The following HMCN1 variants were observed in gnomAD, a reference collection of about 807,000 sequenced individuals.
HMCN1 encodes hemicentin-1.
HMCN1 carries 321 observed loss-of-function variants against 625.9 expected under a neutral mutation model. That is an observed-to-expected ratio of 0.51 (90% CI 0.47 to 0.56). The LOEUF is 0.56. HMCN1 is among the 20% of genes least tolerant of loss of function. HMCN1 has a pLI of 0.00. For synonymous variants in HMCN1, 2,425 were observed against 2,417.6 expected (o/e 1.00, Z -0.09); for missense variants, 6,588 against 6,887.3 (o/e 0.96, Z 1.54).
chr1:186,185,859 A>G (rs1389410226), intron 105 of HMCN1, among the ~76,000 whole-genome samples: 2 of 152,190 alleles, frequency 1.3e-5, no homozygotes, highest in East Asian at 1.9e-4. Context: ...TGGAGAACCA[A>G]TTTACTCCAT....
intron 6 of HMCN1, among the ~76,000 whole-genome samples, chr1:185,914,527 T>A (rs1253270647): frequency 6.6e-6 from 1 of 152,076 alleles, no homozygotes; most frequent in African/African-American, 2.4e-5. Flanking sequence ...TTTCTAGTTA[T>A]CTTCTATCAC....
chr1:185,908,566 G>A lies in HMCN1; in HGVS notation c.622-771G>A, dbSNP rs1015166800. ...AAGGGAAATTATCTTTGTTAGTGCAGAAACTTTCTATGGATTCAAAGTTTT... is the reference window on the plus strand; with the variant it reads ...AAGGGAAATTATCTTTGTTAGTGCAAAAACTTTCTATGGATTCAAAGTTTT... On this transcript the variant is annotated intron_variant, in intron 4 of 106. Coordinates refer to ENST00000271588, the MANE Select transcript of HMCN1 (RefSeq NM_031935.3). 2.0e-5 allele frequency among the ~76,000 whole-genome samples: 3 copies of A among 151,928 alleles called. No individual in the cohort carries two copies. The East Asian group carries it at 5.8e-4, about 29-fold the overall frequency.
intron 36 of HMCN1, among the ~76,000 whole-genome samples, chr1:186,025,188 A>T (rs754738384): frequency 2.6e-5 from 4 of 152,122 alleles, no homozygotes; most frequent in Non-Finnish European, 5.9e-5. Context: ...GCTGCTGCTG[A>T]TCTGATAGGA....
At chr1:185,808,049 CT>C (rs1659285092) in intron 1 of HMCN1, among the ~76,000 whole-genome samples, 1 of 151,978 alleles carries the variant, frequency 6.6e-6, no homozygotes, top group African/African-American at 2.4e-5. Context: ...AGTGGGACCC[CT>C]GTCTCTATAA....
chr1:186,156,129 A>AATAAG (rs1651003726), intron 97 of HMCN1, among the ~76,000 whole-genome samples: 1 of 152,134 alleles, frequency 6.6e-6, no homozygotes, highest in Non-Finnish European at 1.5e-5. Flanking sequence ...TATTTTTAAA[A>AATAAG]TTAATTATAA....
intron 4 of HMCN1, among the ~76,000 whole-genome samples, chr1:185,875,241 G>C (rs902666688): frequency 2.5e-4 from 38 of 152,000 alleles, no homozygotes; most frequent in African/African-American, 8.2e-4. Flanking sequence ...ATTGTTTACT[G>C]TGTAGGTATT....
At chr1:186,134,164 C>G (rs185430774) in intron 86 of HMCN1, among the ~76,000 whole-genome samples, 3 of 151,700 alleles carry the variant, frequency 2.0e-5, no homozygotes, top group Non-Finnish European at 4.4e-5. Flanking sequence ...GTACCAGAAG[C>G]GATATTTTTA....
rs1219973817 is a variant in HMCN1, at chr1:186,122,276, C to T, written c.12230-675C>T. Among the ~76,000 whole-genome samples, 7 of 152,152 alleles carry T rather than the reference C, an allele frequency of 4.6e-5. No individual in the cohort carries two copies. The South Asian group carries it at 1.2e-3, about 27-fold the overall frequency. On this transcript the variant is annotated intron_variant, in intron 80 of 106. Transcript: ENST00000271588. The stretch of plus-strand genomic sequence containing the variant: ...TTTGTTGCTATAAATAATCTTAATA[C>T]GATTATCAGTTATTTCATATGCCTT...
chr1:185,805,542 C>T (rs539261726), intron 1 of HMCN1, among the ~76,000 whole-genome samples: 3 of 152,082 alleles, frequency 2.0e-5, no homozygotes, highest in African/African-American at 7.2e-5. Context: ...TGTCATATCT[C>T]ATTATTGATA....
intron 5 of HMCN1, among the ~76,000 whole-genome samples, chr1:185,909,842 A>G (rs375723303): frequency 1.3e-5 from 2 of 152,252 alleles, no homozygotes; most frequent in South Asian, 2.1e-4. Flanking sequence ...TGTCAAATTC[A>G]GTATTTTACA....
intron 20 of HMCN1, among the ~76,000 whole-genome samples, chr1:185,988,822 A>G (rs1652180875): frequency 6.6e-6 from 1 of 152,098 alleles, no homozygotes; most frequent in Admixed American, 6.5e-5. Context: ...GGGTTGTGGT[A>G]GTTGCTACTC....
rs1478878225 is a variant in HMCN1 at position 186,187,496 on chromosome 1, A to G, written c.16415-387A>G. Among the ~76,000 whole-genome samples the G allele has an allele frequency of 4.6e-5, 7 of 152,194 alleles. No individual in the cohort carries two copies. The East Asian group carries it at 1.3e-3, about 29-fold the overall frequency. On this transcript the variant is annotated intron_variant, in intron 105 of 106. Transcript: ENST00000271588. ...ATTTTAAGGAGATTCTTCACTTTGC[A>G]AAAAATATTCACAAATGTCCTTTAA... is the stretch of plus-strand genomic sequence containing the variant.
intron 2 of HMCN1, among the ~76,000 whole-genome samples, chr1:185,855,133 T>C (rs1662389003): frequency 6.6e-6 from 1 of 152,094 alleles, no homozygotes. Context: ...AATAAGCAAA[T>C]GATGATTGGC....
At chr1:185,877,834 C>A (rs1664055228) in intron 4 of HMCN1, among the ~76,000 whole-genome samples, 1 of 151,988 alleles carries the variant, frequency 6.6e-6, no homozygotes, top group South Asian at 2.1e-4. Flanking sequence ...ATTTTGTCAC[C>A]TAGGTACTAA....
In HMCN1 at chr1:185,928,612, C is replaced by A; in HGVS notation, c.1497C>A (p.Cys499Ter). The A allele has an allele frequency of 6.2e-7, 1 of 1,613,286 alleles. No individual in the cohort carries two copies. Among genetic ancestry groups the A allele is most frequent in the Non-Finnish European group, 8.5e-7 (1 of 1,179,290 alleles). ...TGTCTGACGAAGGTTTCTATGAATG[C>A]ATTGCTGTCAGCAGTGCAGGTACTG... ...VTLSDEGFYE[C>*]IAVSSAGTGR... is the part of the protein sequence containing the mutation. The change falls in exon 10 of 107, where the codon TGC becomes TGA. Residue 499 changes from cysteine to a stop codon, truncating the protein, a stop_gained. Transcript: ENST00000271588. LOFTEE classifies it high-confidence loss of function.
intron 4 of HMCN1, among the ~76,000 whole-genome samples, chr1:185,872,970 A>G (rs920774251): frequency 6.6e-6 from 1 of 152,170 alleles, no homozygotes; most frequent in Non-Finnish European, 1.5e-5. Flanking sequence ...TAAAATACCA[A>G]AAAAGCACAG....
intron 102 of HMCN1, among the ~76,000 whole-genome samples, chr1:186,173,789 T>TCA (rs1558281461): frequency 2.6e-5 from 4 of 152,056 alleles, no homozygotes; most frequent in Non-Finnish European, 4.4e-5. Flanking sequence ...GATCAGAAAC[T>TCA]TTTTAAGAAG....
chr1:186,016,927 C>A, intron 32 of HMCN1, 36 bp from the exon 33 acceptor site: 1 of 1,137,220 alleles, frequency 8.8e-7, no homozygotes, highest in Non-Finnish European at 1.3e-6. Context: ...TTGTTGTATA[C>A]ATTTCTTTGC....
intron 50 of HMCN1, 121 bp from the exon 51 acceptor site, chr1:186,069,542 C>G: frequency 4.2e-6 from 3 of 718,620 alleles, no homozygotes. Context: ...ATATGTCCAT[C>G]ACAGAATTGT....
Sources: gnomAD v4.1 joint callset for allele counts (sites outside exome capture counted in the v4.1 genomes callset) on GRCh38, gnomAD v4.1.1 for gene constraint, MANE v1.5 for transcripts, NCBI Gene and HGNC (gene_info 2026-07-23, HGNC 2026-07-21) for gene names.